The following PTPRM variants were observed in gnomAD, a reference collection of about 807,000 sequenced individuals.
PTPRM encodes receptor-type tyrosine-protein phosphatase mu.
In PTPRM, 47 loss-of-function variants were observed where a neutral mutation model predicts 186.7. That is an observed-to-expected ratio of 0.25 (90% CI 0.20 to 0.32). PTPRM has a LOEUF of 0.32. PTPRM is among the 10% of genes least tolerant of loss of function. PTPRM has a pLI of 1.00. For synonymous variants in PTPRM, 668 were observed against 674.9 expected, an observed-to-expected ratio of 0.99 and a Z score of 0.16; for missense variants, 1,494 against 1,865.0, an observed-to-expected ratio of 0.80 and a Z score of 3.66.
intron 2 of PTPRM, among the ~76,000 whole-genome samples, chr18:7,867,893 C>T (rs2047792504): frequency 6.6e-6 from 1 of 152,028 alleles, no homozygotes; most frequent in Non-Finnish European, 1.5e-5. Flanking sequence ...TTTGTTTGTT[C>T]CTTTTCATTG....
At position 8,085,676 on chromosome 18, in the gene PTPRM, C is replaced by T. The variant is rs1309678225; in HGVS notation, c.1557C>T (p.Thr519=). 1 of 1,597,386 alleles carries T rather than the reference C, an allele frequency of 6.3e-7. No individual in the cohort carries two copies. Among genetic ancestry groups the T allele is most frequent in the South Asian group, 1.1e-5 (1 of 90,718 alleles). ...TYGVITLYEI[T]YKAVSSFDPE... is the part of the protein sequence containing the mutation. The stretch of plus-strand genomic sequence containing the variant: ...ACTTTCTCATTCTTTTGCAGATCAC[C>T]TACAAAGCAGTCAGTTCCTTTGACC... Residue 519 remains threonine (T), a synonymous_variant, in exon 10 of 33, where the codon ACC becomes ACT. Coordinates refer to ENST00000580170, the MANE Select transcript of PTPRM (RefSeq NM_001105244.2).
chr18:7,748,527 GTTCT>G (rs935420863), intron 1 of PTPRM, among the ~76,000 whole-genome samples: 1 of 152,170 alleles, frequency 6.6e-6, no homozygotes, highest in African/African-American at 2.4e-5. Context: ...AAGGGTTGGG[GTTCT>G]TTAAGGACAC....
intron 1 of PTPRM, among the ~76,000 whole-genome samples, chr18:7,768,608 T>A (rs2042125066): frequency 6.6e-6 from 1 of 151,940 alleles, no homozygotes; most frequent in South Asian, 2.1e-4. Context: ...ACGAAGTCAT[T>A]GTTGAGAGCA....
rs113397501 is a variant in PTPRM at position 7,655,043 on chromosome 18, A to G, written c.73+87152A>G. Among the ~76,000 whole-genome samples the G allele has an allele frequency of 3.2e-4, 49 of 152,324 alleles. 1 individual carries two copies. Among genetic ancestry groups the G allele is most frequent in the African/African-American group, 1.1e-3 (46 of 41,572 alleles). The stretch of plus-strand genomic sequence containing the variant: ...TGAATCTATATAAATTGCTTTGAGC[A>G]GTATGGCCATTTTAATGATATTGAT... On this transcript the variant is annotated intron_variant, in intron 1 of 32. Coordinates refer to ENST00000580170, the MANE Select transcript of PTPRM (RefSeq NM_001105244.2).
At chr18:8,172,412 T>A (rs1489013940) in intron 14 of PTPRM, among the ~76,000 whole-genome samples, 2 of 152,114 alleles carry the variant, frequency 1.3e-5, no homozygotes, top group Non-Finnish European at 2.9e-5. Context: ...TTTATCTTTG[T>A]ACAGGAAGGC....
At chr18:8,405,499 A>T (rs113603320) in intron 32 of PTPRM, among the ~76,000 whole-genome samples, 1 of 152,068 alleles carries the variant, frequency 6.6e-6, no homozygotes, top group African/African-American at 2.4e-5. Flanking sequence ...CCCTAAGAAG[A>T]CCTGCCGTCC....
chr18:8,112,419 C>T (rs562622276), intron 11 of PTPRM, among the ~76,000 whole-genome samples: 9 of 152,176 alleles, frequency 5.9e-5, no homozygotes, highest in Non-Finnish European at 1.3e-4. Context: ...CAGCCCTCTT[C>T]TGTGCTTTTT....
intron 14 of PTPRM, among the ~76,000 whole-genome samples, chr18:8,146,915 C>T (rs1453642701): frequency 6.6e-6 from 1 of 152,076 alleles, no homozygotes; most frequent in African/African-American, 2.4e-5. Context: ...GAATCTTTTC[C>T]CCATTGCTTG....
Position 7,849,491 on chromosome 18 carries a change from A to G in PTPRM, c.197-38615A>G, listed in dbSNP as rs565622396. On this transcript the variant is annotated intron_variant, in intron 2 of 32. Coordinates refer to ENST00000580170, the MANE Select transcript of PTPRM (RefSeq NM_001105244.2). ...TCTCTAAAAAATAGATGTTAACTCT[A>G]GCTCCAATTCTTAAGTGGGGAATGA... 9.8e-5 allele frequency among the ~76,000 whole-genome samples: 15 copies of G among 152,362 alleles called. 1 individual carries two copies. The East Asian group carries it at 2.9e-3, about 29-fold the overall frequency.
intron 1 of PTPRM, among the ~76,000 whole-genome samples, chr18:7,723,781 G>A (rs919016133): frequency 1.3e-5 from 2 of 152,146 alleles, no homozygotes; most frequent in South Asian, 4.1e-4. Context: ...TCCCCTGGGG[G>A]CGCGGGCTGG....
intron 22 of PTPRM, among the ~76,000 whole-genome samples, chr18:8,323,059 G>A (rs1160616708): frequency 1.3e-5 from 2 of 152,030 alleles, no homozygotes; most frequent in Non-Finnish European, 2.9e-5. Context: ...AGACTCCTGG[G>A]CTCATAGGAG....
intron 7 of PTPRM, among the ~76,000 whole-genome samples, chr18:8,006,646 A>G (rs2084204057): frequency 1.3e-5 from 2 of 152,178 alleles, no homozygotes; most frequent in South Asian, 4.1e-4. Context: ...TCCCAAAACC[A>G]TGGCAACCCC....
chr18:8,160,768 A>G (rs1039791289), intron 14 of PTPRM, among the ~76,000 whole-genome samples: 1 of 152,204 alleles, frequency 6.6e-6, no homozygotes, highest in African/African-American at 2.4e-5. Flanking sequence ...TCTCGCTGTT[A>G]GCTGTCTCAC....
At chr18:7,907,907 T>C (rs146809547) in intron 4 of PTPRM, among the ~76,000 whole-genome samples, 2 of 151,850 alleles carry the variant, frequency 1.3e-5, no homozygotes, top group Non-Finnish European at 2.9e-5. Context: ...TTTTTTAACT[T>C]AAGTGTTAGA....
At chr18:7,717,048 G>T (rs1411704432) in intron 1 of PTPRM, among the ~76,000 whole-genome samples, 4 of 152,164 alleles carry the variant, frequency 2.6e-5, no homozygotes, top group African/African-American at 4.8e-5. Context: ...GTTCACAATA[G>T]CAAAGACTTG....
intron 14 of PTPRM, among the ~76,000 whole-genome samples, chr18:8,207,884 A>G (rs1050669561): frequency 6.6e-6 from 1 of 152,256 alleles, no homozygotes; most frequent in Non-Finnish European, 1.5e-5. Flanking sequence ...TGAATAAAAA[A>G]GTGTATGTTT....
At chr18:7,610,539 G>A (rs779285584) in intron 1 of PTPRM, among the ~76,000 whole-genome samples, 19 of 152,188 alleles carry the variant, frequency 1.2e-4, no homozygotes, top group Non-Finnish European at 2.4e-4. Flanking sequence ...GTATAATCAT[G>A]TGTCACATAG....
At chr18:8,082,545 C>G (rs1248631815) in intron 9 of PTPRM, among the ~76,000 whole-genome samples, 4 of 144,736 alleles carry the variant, frequency 2.8e-5, no homozygotes, top group Non-Finnish European at 6.0e-5. Flanking sequence ...CTCCCCTTCT[C>G]TCTCTGCTTT....
chr18:8,142,383 AG>A (rs1430125150), intron 13 of PTPRM, among the ~76,000 whole-genome samples: 1 of 152,172 alleles, frequency 6.6e-6, no homozygotes, highest in Non-Finnish European at 1.5e-5. Context: ...TTCAGAATGC[AG>A]GGCCTCATGT....
Sources: allele counts gnomAD v4.1 joint callset (sites outside exome capture counted in the v4.1 genomes callset), GRCh38; gene constraint gnomAD v4.1.1; transcripts MANE v1.5; gene names NCBI Gene and HGNC (gene_info 2026-07-23, HGNC 2026-07-21).